Variants in PDE1A observed in about 807,000 individuals in gnomAD.
The protein encoded by PDE1A is phosphodiesterase 1A.
PDE1A carries 35 observed loss-of-function variants against 61.7 expected under a neutral mutation model. The observed-to-expected ratio is 0.57, with a 90% CI of 0.43 to 0.75. PDE1A has a LOEUF of 0.75. PDE1A is among the 30% of genes least tolerant of loss of function. PDE1A has a pLI of 0.00. For missense variants in PDE1A, 597 were observed against 630.6 expected, an observed-to-expected ratio of 0.95 and a Z score of 0.57; for synonymous variants, 232 against 213.2, an observed-to-expected ratio of 1.09 and a Z score of -0.77.
Position 182,426,748 on chromosome 2 carries a change from C to T in PDE1A, c.-118G>A, listed in dbSNP as rs1703647400. On this transcript the variant is annotated 5_prime_UTR_variant, in exon 1 of 14. Transcript: ENST00000351439. ...GAGCCCAGAAAGAAAAAGTAGTTTCCTCTTTCTCTTTTTGGGTGCTGGGAG... is the reference window on the plus strand; with the variant it reads ...GAGCCCAGAAAGAAAAAGTAGTTTCTTCTTTCTCTTTTTGGGTGCTGGGAG... The T allele has an allele frequency of 1.5e-5, 23 of 1,535,938 alleles. No individual in the cohort carries two copies. In the South Asian group the frequency reaches 2.9e-4, roughly 20 times the overall value.
chr2:182,618,245 G>C, the PDE1A span, among the ~76,000 whole-genome samples: 1 of 152,172 alleles, frequency 6.6e-6, no homozygotes, highest in Non-Finnish European at 1.5e-5. Flanking sequence ...CTCAATTTGG[G>C]AGAATTATTA....
chr2:182,572,592 T>A, the PDE1A span, among the ~76,000 whole-genome samples: 1 of 152,088 alleles, frequency 6.6e-6, no homozygotes, highest in Non-Finnish European at 1.5e-5. Flanking sequence ...GTTTTAAAAG[T>A]GAAAGATAGG....
At chr2:182,406,599 T>C (rs564024796) in intron 1 of PDE1A, among the ~76,000 whole-genome samples, 11 of 152,286 alleles carry the variant, frequency 7.2e-5, no homozygotes, top group Admixed American at 1.3e-4. Flanking sequence ...CTGGCATAGT[T>C]AGCATGTTGG....
At position 182,162,580 on chromosome 2, in the gene PDE1A, GA is replaced by G. The variant is rs572964132; in HGVS notation, c.1517-15429del. Among the ~76,000 whole-genome samples, 249 of 152,282 alleles carry G rather than the reference GA, an allele frequency of 1.6e-3. 1 individual carries two copies. The highest frequency in any genetic ancestry group is 1.7e-3 in the Non-Finnish European group (115 of 68,026). On this transcript the variant is annotated intron_variant, in intron 13 of 13. Transcript: ENST00000409365. ...GGGAGACCAGGTCCTGTTGAGGAAA[GA>G]CTCTGGTGCACTACATAAAATTTAT...
intron 1 of PDE1A, among the ~76,000 whole-genome samples, chr2:182,296,055 C>T (rs1037853609): frequency 6.6e-6 from 1 of 152,138 alleles, no homozygotes; most frequent in Admixed American, 6.5e-5. Flanking sequence ...GTAATGCTTT[C>T]AAGCTTTCAA....
Position 182,318,324 on chromosome 2 carries a change from A to G in PDE1A, c.54-53910T>C, listed in dbSNP as rs565559242. On this transcript the variant is annotated intron_variant, in intron 1 of 13. Transcript: ENST00000351439. ...CCAATGATGCATTTTCAACCTACAC[A>G]CACCCTCTGACCCCAGTTGTCCCCT... 3.9e-5 allele frequency among the ~76,000 whole-genome samples: 6 copies of G among 152,168 alleles called. 1 individual carries two copies. In the East Asian group the frequency reaches 1.2e-3, roughly 29 times the overall value.
At chr2:182,453,536 G>A (rs943033848) in intron 2 of PDE1A, among the ~76,000 whole-genome samples, 19 of 151,772 alleles carry the variant, frequency 1.3e-4, no homozygotes, top group African/African-American at 2.2e-4. Flanking sequence ...CTGGCAAACC[G>A]AATCCAGCAG....
intron 2 of PDE1A, chr2:182,242,140 A>G: frequency 8.7e-7 from 1 of 1,144,774 alleles, no homozygotes; most frequent in Admixed American, 4.3e-5. Flanking sequence ...CCTTAGAATG[A>G]CAGAAACCTG....
intron 2 of PDE1A, chr2:182,463,537 G>C (rs1193851940): frequency 2.0e-5 from 3 of 152,130 alleles, no homozygotes; most frequent in African/African-American, 7.2e-5. Flanking sequence ...ATCACCTGCT[G>C]CAATTTTGAT....
intron 2 of PDE1A, among the ~76,000 whole-genome samples, chr2:182,491,978 T>C (rs1688422196): frequency 1.3e-5 from 2 of 152,170 alleles, no homozygotes; most frequent in African/African-American, 4.8e-5. Context: ...TTCGGCCCAT[T>C]AAACTCCATG....
intron 7 of PDE1A, among the ~76,000 whole-genome samples, chr2:182,207,702 G>A (rs12477696): frequency 0.71 from 107,752 of 152,154 alleles, 38,487 homozygotes; most frequent in East Asian, 0.91. Flanking sequence ...CAATGGGGAA[G>A]ATGTCTCCAG....
chr2:182,660,203 C>T, the PDE1A span, among the ~76,000 whole-genome samples: 1 of 152,132 alleles, frequency 6.6e-6, no homozygotes, highest in East Asian at 1.9e-4. Flanking sequence ...TGAAACCATA[C>T]TATCAATGTA....
intron 13 of PDE1A, among the ~76,000 whole-genome samples, chr2:182,160,405 A>G (rs1386766730): frequency 1.3e-5 from 2 of 152,166 alleles, no homozygotes; most frequent in Non-Finnish European, 2.9e-5. Flanking sequence ...CCAGTCAGTT[A>G]GGGATGTAGG....
At chr2:182,365,304 G>A (rs1465284504) in intron 1 of PDE1A, among the ~76,000 whole-genome samples, 2 of 151,948 alleles carry the variant, frequency 1.3e-5, no homozygotes, top group Non-Finnish European at 2.9e-5. Flanking sequence ...TTCCTCTTTT[G>A]CAAGCTAACC....
intron 2 of PDE1A, among the ~76,000 whole-genome samples, chr2:182,243,045 T>C (rs1690678699): frequency 1.3e-5 from 2 of 152,068 alleles, no homozygotes; most frequent in African/African-American, 4.8e-5. Flanking sequence ...AAATAGAATA[T>C]AAAGACTCAG....
the PDE1A span, among the ~76,000 whole-genome samples, chr2:182,568,732 C>T: frequency 6.6e-6 from 1 of 152,074 alleles, no homozygotes; most frequent in East Asian, 1.9e-4. Context: ...TACAAATATG[C>T]TTAGTTGGTA....
chr2:182,311,986 G>A (rs1016867780), intron 1 of PDE1A, among the ~76,000 whole-genome samples: 4 of 151,974 alleles, frequency 2.6e-5, no homozygotes, highest in Admixed American at 6.6e-5. Context: ...GATGTGTAGT[G>A]GTATCTCACT....
chr2:182,323,243 CTAA>C (rs1160680989), intron 1 of PDE1A, among the ~76,000 whole-genome samples: 1 of 152,114 alleles, frequency 6.6e-6, no homozygotes, highest in Non-Finnish European at 1.5e-5. Flanking sequence ...TTCTTTGTGA[CTAA>C]TAATTGTGGC....
At chr2:182,537,841 T>C in the PDE1A span, among the ~76,000 whole-genome samples, 1 of 152,000 alleles carries the variant, frequency 6.6e-6, no homozygotes, top group African/African-American at 2.4e-5. Flanking sequence ...GGAGAAGTCA[T>C]GTCATACAGA....
Sources: gnomAD v4.1 joint callset for allele counts (sites outside exome capture counted in the v4.1 genomes callset) on GRCh38, gnomAD v4.1.1 for gene constraint, MANE v1.5 for transcripts, NCBI Gene and HGNC (gene_info 2026-07-23, HGNC 2026-07-21) for gene names.